PTPRB: variants seen among roughly 807,000 people sequenced by gnomAD.
The protein encoded by PTPRB is protein tyrosine phosphatase receptor type B, also known as receptor-type tyrosine-protein phosphatase beta.
A neutral mutation model predicts 238.1 loss-of-function variants in PTPRB; 97 were observed. That is an observed-to-expected ratio of 0.41 (90% CI 0.35 to 0.48). The LOEUF is 0.48. Ranked by LOEUF, PTPRB falls within the 20% of genes least tolerant of loss-of-function variation. The pLI, the probability that PTPRB is intolerant of heterozygous loss-of-function variation, is 0.30. For missense variants in PTPRB, 2,292 were observed against 2,681.9 expected (o/e 0.85, Z 3.21); for synonymous variants, 970 against 995.4 (o/e 0.97, Z 0.48).
chr12:70,591,302 T>G (rs17814373), intron 7 of PTPRB, among the ~76,000 whole-genome samples: 16,259 of 152,066 alleles, frequency 0.11, 997 homozygotes, highest in Non-Finnish European at 0.13. Flanking sequence ...TGACCATATA[T>G]CTCTTACTTC....
chr12:70,614,417 T>C (rs1884590862), intron 3 of PTPRB, among the ~76,000 whole-genome samples: 1 of 152,172 alleles, frequency 6.6e-6, no homozygotes, highest in Non-Finnish European at 1.5e-5. Context: ...TTTTAGAATG[T>C]ATTACTTAAG....
At chr12:70,619,310 GATGATA>G (rs746298593) in intron 3 of PTPRB, among the ~76,000 whole-genome samples, 5 of 143,350 alleles carry the variant, frequency 3.5e-5, no homozygotes, top group Non-Finnish European at 6.0e-5. Context: ...TGATGATGAT[GATGATA>G]ATGATAATGA....
chr12:70,609,377 T>A, intron 3 of PTPRB, 38 bp from the exon 4 acceptor site: 1 of 1,597,576 alleles, frequency 6.3e-7, no homozygotes, highest in Non-Finnish European at 8.5e-7. Context: ...AAGTCCACAG[T>A]CTGGACTGCT....
rs1221913211 is a variant in PTPRB at position 70,572,949 on chromosome 12, AC to A, written c.2843-863del. The stretch of plus-strand genomic sequence containing the variant: ...TCCATTTGACTGGCAAAATTAAAAA[AC>A]TATATAAAAACCACGTGTAGAAGAA... On this transcript the variant is annotated intron_variant, in intron 11 of 33. Coordinates refer to ENST00000334414, the MANE Select transcript of PTPRB (RefSeq NM_001109754.4). Among the ~76,000 whole-genome samples the A allele has an allele frequency of 1.2e-4, 18 of 152,012 alleles. 1 individual carries two copies. The highest frequency in any genetic ancestry group is 2.4e-4 in the Non-Finnish European group (16 of 67,992).
chr12:70,555,788 G>C, intron 19 of PTPRB, 82 bp downstream of exon 19: 5 of 1,498,026 alleles, frequency 3.3e-6, no homozygotes, highest in Non-Finnish European at 1.8e-6. Flanking sequence ...GTGAATAGCA[G>C]TGATGGATAT....
At position 70,595,913 on chromosome 12, in the gene PTPRB, C is replaced by T. The variant is rs960085055; in HGVS notation, c.1258+136G>A. On this transcript the variant is annotated intron_variant, in intron 5 of 33. Coordinates refer to ENST00000334414, the MANE Select transcript of PTPRB (RefSeq NM_001109754.4). The stretch of plus-strand genomic sequence containing the variant: ...CAGTCTGTCCACTGTATCCCACAAG[C>T]TCCTTTTAAAAATTTAACTAATTGC... The T allele has an allele frequency of 8.3e-6, 7 of 842,218 alleles. No homozygotes were observed. The Admixed American group carries it at 2.3e-4, about 28-fold the overall frequency. 52.2% of individuals were successfully genotyped at this position (842,218 alleles called of 1,614,324 possible).
chr12:70,603,104 T>C (rs1302772159), intron 4 of PTPRB, among the ~76,000 whole-genome samples: 1 of 152,158 alleles, frequency 6.6e-6, no homozygotes, highest in African/African-American at 2.4e-5. Flanking sequence ...CTAGCTAATG[T>C]GTAAAGTGCC....
At chr12:70,564,158 TC>T (rs1878901558) in intron 15 of PTPRB, among the ~76,000 whole-genome samples, 1 of 152,148 alleles carries the variant, frequency 6.6e-6, no homozygotes, top group Non-Finnish European at 1.5e-5. Context: ...CTCATTTCTT[TC>T]AGATTTTTAC....
At position 70,637,218 on chromosome 12, in the gene PTPRB, T is replaced by A. The variant is rs1438713048; in HGVS notation, c.55+123A>T. The A allele has an allele frequency of 2.0e-5, 16 of 806,352 alleles. No homozygotes were observed. The Admixed American group carries it at 4.3e-4, about 22-fold the overall frequency. The allele number at this position is 806,352 out of a possible 1,614,324, so 49.9% of individuals were successfully genotyped here. ...CTCCTTTTATTCCTGCTTTTCATCG[T>A]CTTTGGCTAAACTGCCATGGAGACC... On this transcript the variant is annotated intron_variant, in intron 1 of 33. Transcript: ENST00000334414.
intron 4 of PTPRB, among the ~76,000 whole-genome samples, chr12:70,599,454 T>C (rs1883296943): frequency 6.6e-6 from 1 of 152,152 alleles, no homozygotes; most frequent in South Asian, 2.1e-4. Flanking sequence ...ACCAGTGAAG[T>C]ATTATAAAAT....
Position 70,569,833 on chromosome 12 carries a change from G to A in PTPRB, c.3476C>T (p.Ser1159Leu), listed in dbSNP as rs549712277. The stretch of plus-strand genomic sequence containing the variant: ...AACCTTTTGACTGTGCCTGAATGCC[G>A]ACACCGTGTAGGAATCAACGTCTCC... Reference protein sequence around the residue: ...GGGDVDSYTVSAFRHSQKVDS... With the variant: ...GGGDVDSYTVLAFRHSQKVDS... Residue 1159 changes from serine (S) to leucine (L), a missense_variant, in exon 14 of 34, where the codon TCG becomes TTG. By Grantham distance (145) the Ser-to-Leu change is moderately radical. This residue lies in a region of PTPRB where 683 missense variants were observed against 862.0 expected (regional missense o/e 0.79). Transcript: ENST00000334414. 6.8e-6 allele frequency: 11 copies of A among 1,613,948 alleles called. No homozygotes were observed. Among genetic ancestry groups the A allele is most frequent in the African/African-American group, 5.3e-5 (4 of 75,030 alleles).
chr12:70,607,845 CCAGT>C (rs140087373), intron 4 of PTPRB, among the ~76,000 whole-genome samples: 4,824 of 152,076 alleles, frequency 0.032, 124 homozygotes, highest in South Asian at 0.092. Flanking sequence ...GCCACTGCGC[CCAGT>C]CAGAGAAACC....
At position 70,562,988 on chromosome 12, in the gene PTPRB, C is replaced by T. The variant is rs1027310669; in HGVS notation, c.4024G>A (p.Gly1342Arg). 3 of 1,613,874 alleles carry T rather than the reference C, an allele frequency of 1.9e-6. No homozygotes were observed. In the African/African-American group the frequency reaches 4.0e-5, roughly 22 times the overall value. Reference protein sequence around the residue: ...WYNIFLYNPDGNLQERAQVDP... With the variant: ...WYNIFLYNPDRNLQERAQVDP... ...ACTTGAGCTCTCTCCTGGAGATTCC[C>T]ATCTGGGTTGTACAAAAAGATGTTG... The change falls in exon 16 of 34, where the codon GGG (glycine) becomes AGG (arginine). Residue 1342 changes from glycine (G) to arginine (R), a missense_variant. By Grantham distance (125) the Gly-to-Arg change is moderately radical. Around this residue, in one of 4 missense-constraint regions of PTPRB, gnomAD observed 683 missense variants for 862.0 expected, o/e 0.79. Transcript: ENST00000334414.
intron 28 of PTPRB, 197 bp downstream of exon 28, chr12:70,537,958 A>G (rs1874427662): frequency 3.9e-6 from 2 of 511,802 alleles, no homozygotes; most frequent in Non-Finnish European, 6.9e-6. Context: ...TCATTTGACT[A>G]TAGCCATTGT....
chr12:70,546,200 T>C (rs142064796), intron 21 of PTPRB, among the ~76,000 whole-genome samples: 1 of 151,768 alleles, frequency 6.6e-6, no homozygotes, highest in East Asian at 1.9e-4. Context: ...ATATACTCGA[T>C]TTAGAGGGAC....
At position 70,553,116 on chromosome 12, in the gene PTPRB, A is replaced by G. The variant is rs1158197035; in HGVS notation, c.5144-96T>C. ...GGTTTCTAAGGCTGCCTCCACATCCACTATCTCTGGCCATTTCCAAAGTAC... is the reference window on the plus strand; with the variant it reads ...GGTTTCTAAGGCTGCCTCCACATCCGCTATCTCTGGCCATTTCCAAAGTAC... On this transcript the variant is annotated intron_variant, in intron 20 of 33. Coordinates refer to ENST00000334414, the MANE Select transcript of PTPRB (RefSeq NM_001109754.4). The G allele has an allele frequency of 5.8e-6, 8 of 1,391,264 alleles. No homozygotes were observed. In the Admixed American group the frequency reaches 6.4e-5, roughly 11 times the overall value. 86.2% of individuals were successfully genotyped at this position (1,391,264 alleles called of 1,614,324 possible).
chr12:70,582,226 C>A (rs994953703), intron 9 of PTPRB, among the ~76,000 whole-genome samples: 1 of 152,058 alleles, frequency 6.6e-6, no homozygotes, highest in Non-Finnish European at 1.5e-5. Context: ...TGGCACCCCT[C>A]TTTCTCAAAG....
chr12:70,571,837 C>A lies in PTPRB; in HGVS notation c.3093G>T (p.Gly1031=). The change falls in exon 12 of 34, where the codon GGG becomes GGT. Residue 1031 remains glycine (G), a synonymous_variant. Coordinates refer to ENST00000334414, the MANE Select transcript of PTPRB (RefSeq NM_001109754.4). ...CGTTCCACTTACTTGTTCTCCCATT[C>A]CCTTGTTCATTGGCTTCATATTGTC... ...KSGQYEANEQ[G]NGRTIPEPVK... The A allele has an allele frequency of 6.2e-7, 1 of 1,612,892 alleles. No individual in the cohort carries two copies. Among genetic ancestry groups the A allele is most frequent in the Non-Finnish European group, 8.5e-7 (1 of 1,179,206 alleles).
At chr12:70,599,432 A>G (rs1883293649) in intron 4 of PTPRB, among the ~76,000 whole-genome samples, 1 of 152,194 alleles carries the variant, frequency 6.6e-6, no homozygotes, top group Admixed American at 6.5e-5. Context: ...CATCACACTC[A>G]TACGCATAGT....
Sources: gnomAD v4.1 joint callset for allele counts (sites outside exome capture counted in the v4.1 genomes callset) on GRCh38, gnomAD v4.1.1 for gene constraint, gnomAD v4.1.1 regional missense constraint, MANE v1.5 for transcripts, NCBI Gene and HGNC (gene_info 2026-07-23, HGNC 2026-07-21) for gene names.